EXD3: variants seen among roughly 807,000 people sequenced by gnomAD.
EXD3 encodes exonuclease 3'-5' domain containing 3.
EXD3 carries 92 observed loss-of-function variants against 98.0 expected under a neutral mutation model. That is an observed-to-expected ratio of 0.94 (90% confidence interval 0.79 to 1.12). EXD3 has a LOEUF of 1.12. Among genes scored for constraint, EXD3 ranks in the 50% most tolerant of loss-of-function variants. EXD3 has a pLI of 0.00. For missense variants in EXD3, 1,222 were observed against 1,191.6 expected (o/e 1.03, Z -0.38); for synonymous variants, 569 against 526.0 (o/e 1.08, Z -1.12).
At chr9:137,396,020 T>C (rs888446036) in intron 1 of EXD3, among the ~76,000 whole-genome samples, 2 of 149,882 alleles carry the variant, frequency 1.3e-5, no homozygotes, top group Non-Finnish European at 3.0e-5. Flanking sequence ...CAGGCTGGAG[T>C]GCAGTGGGGC....
At chr9:137,333,032 T>C (rs1351479792) in intron 17 of EXD3, among the ~76,000 whole-genome samples, 1 of 152,120 alleles carries the variant, frequency 6.6e-6, no homozygotes, top group Non-Finnish European at 1.5e-5. Context: ...CCACCCTCAG[T>C]GGGCACCGTC....
chr9:137,418,541 T>C (rs1256603412), intron 1 of EXD3, among the ~76,000 whole-genome samples: 1 of 152,080 alleles, frequency 6.6e-6, no homozygotes, highest in Non-Finnish European at 1.5e-5. Context: ...CATGATGAAA[T>C]GGTTTCCATC....
At chr9:137,309,925 T>C (rs891366800) in intron 19 of EXD3, among the ~76,000 whole-genome samples, 4 of 152,170 alleles carry the variant, frequency 2.6e-5, no homozygotes, top group Non-Finnish European at 4.4e-5. Flanking sequence ...CTGGGAAGCC[T>C]CTTCTGTTTT....
rs1331676166 is a variant in EXD3, at chr9:137,354,365, G to C, written c.844C>G (p.Gln282Glu). 1 of 1,612,478 alleles carries C rather than the reference G, an allele frequency of 6.2e-7. No individual in the cohort carries two copies. Among genetic ancestry groups the C allele is most frequent in the Admixed American group, 1.7e-5 (1 of 60,000 alleles). Residue 282 changes from glutamine to glutamate, a missense_variant, in exon 10 of 22, where the codon CAG becomes GAG. Physicochemically the swap from Gln to Glu is conservative, Grantham distance 29. Transcript: ENST00000340951. ...HKRFVEKSLS[Q>E]ENWTDHVQGL... ...TGCACATGGTCGGTCCAGTTCTCCT[G>C]TGACAGGCTCTTCTGCAAAGGCAAA...
chr9:137,369,655 C>A (rs1193363890), intron 5 of EXD3, among the ~76,000 whole-genome samples: 1 of 152,148 alleles, frequency 6.6e-6, no homozygotes, highest in Non-Finnish European at 1.5e-5. Flanking sequence ...CAGCCCTCGG[C>A]GGGCCCCACC....
chr9:137,417,790 C>G (rs1435302941), intron 1 of EXD3, among the ~76,000 whole-genome samples: 7 of 152,084 alleles, frequency 4.6e-5, no homozygotes, highest in Non-Finnish European at 1.0e-4. Flanking sequence ...CTCCTTCAAG[C>G]GCAGGCCGTG....
intron 10 of EXD3, 143 bp downstream of exon 10, chr9:137,354,196 C>T: frequency 3.4e-6 from 5 of 1,456,024 alleles, no homozygotes; most frequent in Non-Finnish European, 3.7e-6. Context: ...CTGCCAGCCA[C>T]ACGCCCCAAC....
intron 3 of EXD3, among the ~76,000 whole-genome samples, chr9:137,382,217 C>T (rs905872072): frequency 1.1e-5 from 1 of 95,150 alleles, no homozygotes; most frequent in Non-Finnish European, 2.0e-5. Flanking sequence ...AGACACAGGC[C>T]CACCCCATGA....
chr9:137,316,777 G>A (rs1366490678), intron 19 of EXD3, among the ~76,000 whole-genome samples: 3 of 152,188 alleles, frequency 2.0e-5, no homozygotes, highest in Admixed American at 1.3e-4. Flanking sequence ...AGAGGAGGCC[G>A]CGGTGGGAGC....
rs1022551405 is a variant in EXD3, at chr9:137,419,966, T to C, written c.-48+3148A>G. The stretch of plus-strand genomic sequence containing the variant: ...CGAGGTCAGGAGATCGAGACCATCC[T>C]GGCTAATACGGTGAAACCCCATCTC... On this transcript the variant is annotated intron_variant, in intron 1 of 21. Coordinates refer to ENST00000340951, the MANE Select transcript of EXD3 (RefSeq NM_017820.5). 1.2e-4 allele frequency among the ~76,000 whole-genome samples: 19 copies of C among 152,202 alleles called. 1 individual carries two copies. In the East Asian group the frequency reaches 1.4e-3, roughly 11 times the overall value.
At chr9:137,320,151 C>CAG (rs144606006) in intron 19 of EXD3, among the ~76,000 whole-genome samples, 3,080 of 152,328 alleles carry the variant, frequency 0.02, 104 homozygotes, top group East Asian at 0.15. Context: ...GATGTGCACA[C>CAG]AGAGACGCAT....
At chr9:137,308,322 A>T (rs1424452208) in intron 20 of EXD3, among the ~76,000 whole-genome samples, 1 of 152,126 alleles carries the variant, frequency 6.6e-6, no homozygotes, top group Non-Finnish European at 1.5e-5. Flanking sequence ...GGATGAATGC[A>T]CCACGCCCCC....
rs1837160304 is a variant in EXD3 at position 137,395,363 on chromosome 9, G to A, written c.-6C>T. 6.2e-7 allele frequency: 1 copy of A among 1,613,356 alleles called. No individual in the cohort carries two copies. The highest frequency in any genetic ancestry group is 8.5e-7 in the Non-Finnish European group (1 of 1,179,810). ...GCGGGATCTCCTGGGTCCATCCTCA[G>A]GGCCGGGCCGAGGACGCTGGCAGGC... On this transcript the variant is annotated 5_prime_UTR_variant, in exon 2 of 22. Transcript: ENST00000340951. The surrounding 1 kb of genome is among the most constrained non-coding windows in gnomAD (Gnocchi z 6.5).
At chr9:137,422,759 C>T (rs979645439) in intron 1 of EXD3, among the ~76,000 whole-genome samples, 4 of 152,128 alleles carry the variant, frequency 2.6e-5, no homozygotes, top group African/African-American at 9.7e-5. Context: ...CGCGTCCCAC[C>T]GGGAGCGCCT....
intron 8 of EXD3, among the ~76,000 whole-genome samples, 192 bp downstream of exon 8, chr9:137,356,076 G>A (rs1479504210): frequency 2.6e-5 from 4 of 152,212 alleles, no homozygotes; most frequent in Non-Finnish European, 5.9e-5. Flanking sequence ...CTGCTCAGTC[G>A]CAGGGCCCAG....
rs183704428 is a variant in EXD3, at chr9:137,404,650, C to A, written c.-47-9246G>T. On this transcript the variant is annotated intron_variant, in intron 1 of 21. Transcript: ENST00000340951. ...CCAAGGCCGGAGGATCACCTGAGGT[C>A]GGGAGTTCGAGACCAGCCTGACCAA... 4.6e-5 allele frequency among the ~76,000 whole-genome samples: 7 copies of A among 152,312 alleles called. No homozygotes were observed. In the South Asian group the frequency reaches 1.5e-3, roughly 32 times the overall value.
rs1287908110 is a variant in EXD3, at chr9:137,307,045, C to T, written c.2536G>A (p.Gly846Ser). 4 of 1,612,266 alleles carry T rather than the reference C, an allele frequency of 2.5e-6. No individual in the cohort carries two copies. The South Asian group carries it at 3.3e-5, about 13-fold the overall frequency. ...GKVFWDGSHL[G>S]RVATHFRDML... Reference sequence around the variant, plus strand: ...TCTCGGAAGTGGGTGGCAACACGACCCAGGTGGGAGCCGTCCCAGAAGACC... The same window carrying T: ...TCTCGGAAGTGGGTGGCAACACGACTCAGGTGGGAGCCGTCCCAGAAGACC... The change falls in exon 22 of 22, where the codon GGT becomes AGT. Residue 846 changes from glycine to serine, a missense_variant. By Grantham distance (56) the Gly-to-Ser change is moderately conservative. Coordinates refer to ENST00000340951, the MANE Select transcript of EXD3 (RefSeq NM_017820.5).
At chr9:137,422,488 C>A (rs1838578624) in intron 1 of EXD3, among the ~76,000 whole-genome samples, 2 of 152,126 alleles carry the variant, frequency 1.3e-5, no homozygotes, top group African/African-American at 4.8e-5. Context: ...AGCTCCTGGG[C>A]AACGTTCGAA....
chr9:137,415,264 G>T (rs1342796585), intron 1 of EXD3, among the ~76,000 whole-genome samples: 1 of 151,456 alleles, frequency 6.6e-6, no homozygotes, highest in Non-Finnish European at 1.5e-5. Context: ...AGTGCAGTGG[G>T]GCGATCTCAG....
Sources: allele counts gnomAD v4.1 joint callset (sites outside exome capture counted in the v4.1 genomes callset), GRCh38; gene constraint gnomAD v4.1.1; non-coding constraint Gnocchi (gnomAD v3.1); transcripts MANE v1.5; gene names NCBI Gene and HGNC (gene_info 2026-07-23, HGNC 2026-07-21).